The following TNIK variants were observed in gnomAD, a reference collection of about 807,000 sequenced individuals.
TNIK encodes the protein TRAF2 and NCK-interacting protein kinase.
A neutral mutation model predicts 191.3 loss-of-function variants in TNIK; 49 were observed. The observed-to-expected ratio is 0.26, with a 90% CI of 0.20 to 0.32. The LOEUF (loss-of-function observed/expected upper bound fraction) is 0.32, where lower values mean the gene tolerates loss of function less well. Among genes scored for constraint, TNIK ranks in the 10% least tolerant of loss-of-function variants. The probability of loss-of-function intolerance (pLI) is 1.00; values close to 1 mark genes in which losing one functional copy is unlikely to be tolerated. For missense variants in TNIK, 1,155 were observed against 1,702.3 expected (o/e 0.68, Z 5.66); for synonymous variants, 594 against 600.9 (o/e 0.99, Z 0.17).
intron 2 of TNIK, among the ~76,000 whole-genome samples, chr3:171,313,638 T>G (rs1411657919): frequency 1.3e-5 from 2 of 152,070 alleles, no homozygotes; most frequent in Admixed American, 6.6e-5. Context: ...TATCATGAAA[T>G]AACAAACATG....
chr3:171,279,757 C>A (rs1188955049), intron 2 of TNIK, among the ~76,000 whole-genome samples: 1 of 152,124 alleles, frequency 6.6e-6, no homozygotes, highest in Non-Finnish European at 1.5e-5. Context: ...AATACAGCAA[C>A]CCTACATGGG....
intron 1 of TNIK, among the ~76,000 whole-genome samples, chr3:171,373,153 T>C (rs1353022): frequency 0.84 from 128,515 of 152,104 alleles, 54,846 homozygotes; most frequent in Non-Finnish European, 0.91. Flanking sequence ...GTTTTCTCCA[T>C]TCTAGAGTAC....
At chr3:171,121,127 A>G (rs111503507) in intron 18 of TNIK, among the ~76,000 whole-genome samples, 159 of 152,354 alleles carry the variant, frequency 1.0e-3, no homozygotes, top group Middle Eastern at 6.8e-3. Flanking sequence ...ACTTCAAAGA[A>G]AAGACTAGGA....
At position 171,159,941 on chromosome 3, in the gene TNIK, C is replaced by T. The variant is rs1227205188; in HGVS notation, c.1016+1329G>A. ...GGCTGGGCTGGCTCGTTGAGTGACT[C>T]CTAATATGCAGTTTAGCAAGTGTTA... On this transcript the variant is annotated intron_variant, in intron 11 of 32. Transcript: ENST00000436636. This position sits in a 1 kb window ranked among gnomAD's most constrained non-coding sequence, Gnocchi z 4.1. Among the ~76,000 whole-genome samples the T allele has an allele frequency of 1.3e-5, 2 of 152,122 alleles. No individual in the cohort carries two copies. The highest frequency in any genetic ancestry group is 6.5e-5 in the Admixed American group (1 of 15,278).
chr3:171,390,230 A>G (rs1483876710), intron 1 of TNIK, among the ~76,000 whole-genome samples: 1 of 152,192 alleles, frequency 6.6e-6, no homozygotes, highest in Non-Finnish European at 1.5e-5. Context: ...ATGATCAGCC[A>G]TATGGAAGAG....
chr3:171,197,930 T>C (rs984194026), intron 4 of TNIK, among the ~76,000 whole-genome samples: 2 of 152,108 alleles, frequency 1.3e-5, no homozygotes, highest in Admixed American at 1.3e-4. Context: ...CTCAAAAGAA[T>C]TGAAAACAGG....
chr3:171,410,545 G>A (rs902810325), intron 1 of TNIK, among the ~76,000 whole-genome samples: 3 of 152,120 alleles, frequency 2.0e-5, no homozygotes, highest in South Asian at 4.2e-4. Flanking sequence ...TTTGGGAGGC[G>A]GAGGCGGGCG....
intron 27 of TNIK, among the ~76,000 whole-genome samples, chr3:171,080,524 C>T (rs1245978641): frequency 6.6e-6 from 1 of 151,860 alleles, no homozygotes. Context: ...GCAACCTCTG[C>T]TTCCTGGGTT....
intron 4 of TNIK, among the ~76,000 whole-genome samples, 185 bp downstream of exon 4, chr3:171,210,931 G>A (rs749916004): frequency 6.6e-6 from 1 of 150,974 alleles, no homozygotes; most frequent in Non-Finnish European, 1.5e-5. Flanking sequence ...AACATTTAGA[G>A]ATCCTGAAAA....
At chr3:171,239,442 T>C (rs1465728636) in intron 2 of TNIK, among the ~76,000 whole-genome samples, 1 of 152,254 alleles carries the variant, frequency 6.6e-6, no homozygotes, top group Non-Finnish European at 1.5e-5. Flanking sequence ...TCTATATCAC[T>C]GACACCATTC....
At chr3:171,166,041 A>G (rs1054678371) in intron 10 of TNIK, among the ~76,000 whole-genome samples, 2 of 152,236 alleles carry the variant, frequency 1.3e-5, no homozygotes, top group African/African-American at 2.4e-5. Context: ...TTCCTCAAAG[A>G]TAAATCCTAT....
At chr3:171,091,495 C>T (rs1410946370) in intron 23 of TNIK, among the ~76,000 whole-genome samples, 1 of 152,044 alleles carries the variant, frequency 6.6e-6, no homozygotes, top group East Asian at 1.9e-4. Context: ...GTAATCCTAG[C>T]GTTTTGGGAG....
chr3:171,062,459 C>T lies in TNIK; in HGVS notation c.*1422G>A, dbSNP rs957373972. On this transcript the variant is annotated 3_prime_UTR_variant, in exon 33 of 33. Coordinates refer to ENST00000436636, the MANE Select transcript of TNIK (RefSeq NM_015028.4). ...GTTTGCAACACCTCGATACCACAGG[C>T]GGCCATGCTTGTAGCTTTGGAAAAA... 3.9e-5 allele frequency: 6 copies of T among 151,934 alleles called. No individual in the cohort carries two copies. Among genetic ancestry groups the T allele is most frequent in the African/African-American group, 1.2e-4 (5 of 41,336 alleles). The allele number at this position is 151,934 out of a possible 1,614,324, so 9.4% of individuals were successfully genotyped here.
intron 2 of TNIK, among the ~76,000 whole-genome samples, chr3:171,322,839 C>T (rs1259579100): frequency 2.9e-5 from 4 of 136,314 alleles, no homozygotes; most frequent in East Asian, 2.1e-4. Flanking sequence ...GTTTTCTTTT[C>T]TTTTTTTTTT....
intron 22 of TNIK, among the ~76,000 whole-genome samples, chr3:171,099,186 A>G (rs1257717660): frequency 1.3e-5 from 2 of 152,046 alleles, no homozygotes; most frequent in Non-Finnish European, 2.9e-5. Flanking sequence ...ATCTCCCTCA[A>G]ATATAACACT....
rs367589927 is a variant in TNIK at position 171,079,502 on chromosome 3, A to G, written c.3448+16T>C. On this transcript the variant is annotated intron_variant, in intron 28 of 32. Transcript: ENST00000436636. ...GTAAACAGACCAAACTTATAATTCC[A>G]TGTCTTGAGACTTACCAACTTTATA... 7.5e-6 allele frequency: 12 copies of G among 1,606,140 alleles called. No individual in the cohort carries two copies. The highest frequency in any genetic ancestry group is 2.7e-5 in the African/African-American group (2 of 74,596).
chr3:171,250,879 A>G (rs559067492), intron 2 of TNIK, among the ~76,000 whole-genome samples: 1 of 152,362 alleles, frequency 6.6e-6, no homozygotes, highest in Admixed American at 6.5e-5. Flanking sequence ...TTATCTTGCA[A>G]TCCTCTGCTG....
chr3:171,344,102 A>T (rs1711749211), intron 2 of TNIK, among the ~76,000 whole-genome samples: 3 of 152,206 alleles, frequency 2.0e-5, no homozygotes. Flanking sequence ...CAAAAAAGCA[A>T]AAAACCAAAT....
intron 23 of TNIK, 121 bp from the exon 24 acceptor site, chr3:171,087,627 G>A: frequency 9.5e-7 from 1 of 1,048,080 alleles, no homozygotes; most frequent in East Asian, 2.4e-5. Flanking sequence ...GCATGAGAAG[G>A]TGATATTCAC....
Sources: gnomAD v4.1 joint callset for allele counts (sites outside exome capture counted in the v4.1 genomes callset) on GRCh38, gnomAD v4.1.1 for gene constraint, Gnocchi (gnomAD v3.1) non-coding constraint, MANE v1.5 for transcripts, NCBI Gene and HGNC (gene_info 2026-07-23, HGNC 2026-07-21) for gene names.